Variants in UBA6 observed in about 807,000 individuals in gnomAD.
The protein encoded by UBA6 is ubiquitin-like modifier-activating enzyme 6.
Under a neutral mutation model 148.3 loss-of-function variants are expected in UBA6, and 87 were observed. The observed-to-expected ratio is 0.59, with a 90% CI of 0.49 to 0.70. UBA6 has a LOEUF of 0.70. Ranked by LOEUF, UBA6 falls within the 30% of genes least tolerant of loss-of-function variation. The probability of loss-of-function intolerance (pLI) is 0.00; values close to 1 mark genes in which losing one functional copy is unlikely to be tolerated. For missense variants in UBA6, 1,186 were observed against 1,241.2 expected (o/e 0.96, Z 0.67); for synonymous variants, 376 against 401.0 (o/e 0.94, Z 0.75).
chr4:67,684,985 T>A (rs1030376334), intron 2 of UBA6, among the ~76,000 whole-genome samples: 4 of 152,072 alleles, frequency 2.6e-5, no homozygotes, highest in Non-Finnish European at 5.9e-5. Flanking sequence ...AGGTTAAGAG[T>A]CAATCCAGGC....
chr4:67,679,306 A>C (rs1730371877), intron 4 of UBA6, among the ~76,000 whole-genome samples: 1 of 152,164 alleles, frequency 6.6e-6, no homozygotes, highest in Non-Finnish European at 1.5e-5. Context: ...TAATAAGTGA[A>C]GGAGGAAACA....
chr4:67,642,699 A>G (rs1414787498), intron 17 of UBA6, among the ~76,000 whole-genome samples: 1 of 152,078 alleles, frequency 6.6e-6, no homozygotes, highest in Admixed American at 6.5e-5. Flanking sequence ...CGAAAAGTCT[A>G]TTATGCAATC....
chr4:67,632,828 T>C (rs1729031395), intron 23 of UBA6, among the ~76,000 whole-genome samples: 1 of 151,578 alleles, frequency 6.6e-6, no homozygotes, highest in Non-Finnish European at 1.5e-5. Flanking sequence ...CCTGTTTTTT[T>C]GTTTTTTTTT....
intron 13 of UBA6, among the ~76,000 whole-genome samples, chr4:67,650,790 G>T (rs1043495821): frequency 6.6e-6 from 1 of 152,144 alleles, no homozygotes; most frequent in Non-Finnish European, 1.5e-5. Flanking sequence ...AAATATTGAT[G>T]AGAGGTATAA....
At chr4:67,641,039 G>T in intron 18 of UBA6, 112 bp downstream of exon 18, 1 of 690,728 alleles carries the variant, frequency 1.4e-6, no homozygotes. Flanking sequence ...TTGATAATTT[G>T]AAAGTTTCTA....
chr4:67,647,775 G>GT (rs397878457), intron 14 of UBA6, among the ~76,000 whole-genome samples: 2,014 of 133,158 alleles, frequency 0.015, 35 homozygotes, highest in African/African-American at 0.04. Flanking sequence ...TTCTCATGGT[G>GT]TTTTTTTTTT....
At chr4:67,641,320 T>C (rs1729301266) in intron 17 of UBA6, 92 bp from the exon 18 acceptor site, 9 of 736,598 alleles carry the variant, frequency 1.2e-5, no homozygotes, top group Admixed American at 2.6e-5. Context: ...TCCTGACAAA[T>C]TATTCTAAAT....
In UBA6 at chr4:67,645,943, A is replaced by T; in HGVS notation, c.1390T>A (p.Phe464Ile). 6.3e-7 allele frequency: 1 copy of T among 1,581,600 alleles called. No individual in the cohort carries two copies. Among genetic ancestry groups the T allele is most frequent in the Non-Finnish European group, 8.6e-7 (1 of 1,156,568 alleles). ...CCATGATTATTGATACTTACTAAGA[A>T]GATGTTTAAATTTTGCAGTTTCTGA... Reference protein sequence around the residue: ...LCQKLQNLNIFLVGCGAIGCE... With the variant: ...LCQKLQNLNIILVGCGAIGCE... Residue 464 changes from phenylalanine (F) to isoleucine (I), a missense_variant, in exon 16 of 33, where the codon TTC (phenylalanine) becomes ATC (isoleucine). Physicochemically the swap from Phe to Ile is conservative, Grantham distance 21. Coordinates refer to ENST00000322244, the MANE Select transcript of UBA6 (RefSeq NM_018227.6).
Position 67,649,075 on chromosome 4 carries a change from C to A in UBA6, c.1241G>T (p.Cys414Phe). 1 of 1,613,344 alleles carries A rather than the reference C, an allele frequency of 6.2e-7. No individual in the cohort carries two copies. The highest frequency in any genetic ancestry group is 2.2e-5 in the East Asian group (1 of 44,858). The change falls in exon 14 of 33, where the codon TGC (cysteine) becomes TTC (phenylalanine). Residue 414 changes from cysteine to phenylalanine, a missense_variant. By Grantham distance (205) the Cys-to-Phe change is radical. Coordinates refer to ENST00000322244, the MANE Select transcript of UBA6 (RefSeq NM_018227.6). ...TAAAAACTCAGAACTAACCCACTGG[C>A]ACAAAGGAGAAAATTTTCCTGTTAC... ...KAVTGKFSPLCQWLYLEAADI... is the reference protein window; with the variant it reads ...KAVTGKFSPLFQWLYLEAADI...
chr4:67,697,860 T>C (rs1730877216), intron 1 of UBA6, among the ~76,000 whole-genome samples: 1 of 152,244 alleles, frequency 6.6e-6, no homozygotes, highest in African/African-American at 2.4e-5. Context: ...CTAAATATCT[T>C]AAAATGCAGT....
chr4:67,654,178 T>C (rs910938213), intron 13 of UBA6, among the ~76,000 whole-genome samples: 13 of 151,926 alleles, frequency 8.6e-5, no homozygotes, highest in African/African-American at 2.9e-4. Context: ...ATTCAGGAAA[T>C]ACAGAGAACA....
rs1730814801 is a variant in UBA6, at chr4:67,695,625, TTAA to T, written c.134+1017_134+1019del. ...AAATACCTAAAACAGTACCAGGCATTTAATAATAATAGATAACCCTGTGCTACA... is the reference window on the plus strand; with the variant it reads ...AAATACCTAAAACAGTACCAGGCATTTAATAATAGATAACCCTGTGCTACA... On this transcript the variant is annotated intron_variant, in intron 2 of 32. Transcript: ENST00000322244. 2.0e-5 allele frequency among the ~76,000 whole-genome samples: 3 copies of T among 152,206 alleles called. No homozygotes were observed. In the South Asian group the frequency reaches 6.2e-4, roughly 31 times the overall value.
At chr4:67,651,661 T>G (rs1729556357) in intron 13 of UBA6, among the ~76,000 whole-genome samples, 1 of 152,096 alleles carries the variant, frequency 6.6e-6, no homozygotes, top group Non-Finnish European at 1.5e-5. Flanking sequence ...GAGCTCTTTT[T>G]GAGAAACAGA....
chr4:67,634,851 GC>G (rs1218974960), intron 20 of UBA6, among the ~76,000 whole-genome samples: 1 of 151,930 alleles, frequency 6.6e-6, no homozygotes, highest in African/African-American at 2.4e-5. Context: ...TTATAACACT[GC>G]CCCGCTTTGA....
intron 12 of UBA6, chr4:67,662,895 G>A (rs1418240448): frequency 3.0e-6 from 1 of 332,256 alleles, no homozygotes; most frequent in Non-Finnish European, 5.4e-6. Flanking sequence ...TTTGTTTTAA[G>A]AAGCTTTAAT....
chr4:67,656,192 G>A (rs1313675830), intron 13 of UBA6, among the ~76,000 whole-genome samples: 2 of 152,108 alleles, frequency 1.3e-5, no homozygotes, highest in Non-Finnish European at 2.9e-5. Context: ...ATTTTATGAG[G>A]CCAGCATCCC....
At chr4:67,650,483 C>T (rs912004463) in intron 13 of UBA6, among the ~76,000 whole-genome samples, 6 of 152,036 alleles carry the variant, frequency 3.9e-5, no homozygotes, top group Admixed American at 6.6e-5. Context: ...AGGATAAAGA[C>T]GGCAGCCTAT....
intron 10 of UBA6, among the ~76,000 whole-genome samples, chr4:67,664,597 T>C (rs1333538229): frequency 1.3e-5 from 2 of 152,254 alleles, no homozygotes; most frequent in East Asian, 3.9e-4. Flanking sequence ...CCAAGGATTT[T>C]AGTAGCACAA....
chr4:67,679,526 G>A (rs1365165927), intron 4 of UBA6, among the ~76,000 whole-genome samples: 3 of 151,974 alleles, frequency 2.0e-5, no homozygotes, highest in Non-Finnish European at 4.4e-5. Flanking sequence ...TAATTTGCCT[G>A]CCAAATCCAG....
Sources: gnomAD v4.1 joint callset for allele counts (sites outside exome capture counted in the v4.1 genomes callset) on GRCh38, gnomAD v4.1.1 for gene constraint, MANE v1.5 for transcripts, NCBI Gene and HGNC (gene_info 2026-07-23, HGNC 2026-07-21) for gene names.